PRKG1: variants seen among roughly 807,000 people sequenced by gnomAD.
The protein encoded by PRKG1 is cGMP-dependent protein kinase 1.
A neutral mutation model predicts 88.1 loss-of-function variants in PRKG1; 35 were observed. The observed-to-expected ratio is 0.40, with a 90% CI of 0.30 to 0.53. The LOEUF (loss-of-function observed/expected upper bound fraction) is 0.53, where lower values mean the gene tolerates loss of function less well. Ranked by LOEUF, PRKG1 falls within the 20% of genes least tolerant of loss-of-function variation. The probability of loss-of-function intolerance (pLI) is 0.59; values close to 1 mark genes in which losing one functional copy is unlikely to be tolerated. For missense variants in PRKG1, 540 were observed against 839.8 expected (o/e 0.64, Z 4.41); for synonymous variants, 303 against 292.5 (o/e 1.04, Z -0.37).
At chr10:51,823,047 T>A (rs1248114674) in intron 4 of PRKG1, among the ~76,000 whole-genome samples, 2 of 151,816 alleles carry the variant, frequency 1.3e-5, no homozygotes, top group South Asian at 2.1e-4. Context: ...TACAGTGGAG[T>A]TTTTTAGAGG....
chr10:52,120,417 A>G (rs944699300), intron 7 of PRKG1, among the ~76,000 whole-genome samples: 5 of 152,198 alleles, frequency 3.3e-5, no homozygotes, highest in African/African-American at 9.7e-5. Flanking sequence ...CCAAAGTCTC[A>G]TCTGAATCAG....
At chr10:52,204,073 G>GTTATTA (rs140296072) in intron 9 of PRKG1, among the ~76,000 whole-genome samples, 1,933 of 75,330 alleles carry the variant, frequency 0.026, 17 homozygotes, top group South Asian at 0.045. Context: ...TTGTTCGCTG[G>GTTATTA]TTATTATTAT....
chr10:51,765,040 C>T (rs1336290580), intron 3 of PRKG1, among the ~76,000 whole-genome samples: 1 of 152,168 alleles, frequency 6.6e-6, no homozygotes, highest in Non-Finnish European at 1.5e-5. Flanking sequence ...ATAAGCTGCC[C>T]AACTTAGAGT....
chr10:51,102,213 CCTT>C (rs1844703852), intron 1 of PRKG1, among the ~76,000 whole-genome samples: 1 of 152,042 alleles, frequency 6.6e-6, no homozygotes, highest in South Asian at 2.1e-4. Flanking sequence ...GTGTTTATTA[CCTT>C]TGTTTTAATA....
At position 51,671,888 on chromosome 10, in the gene PRKG1, C is replaced by T. The variant is rs545295272; in HGVS notation, c.593-132697C>T. On this transcript the variant is annotated intron_variant, in intron 3 of 17. Transcript: ENST00000373980. ...AAGAATACTGGTGATAGTGAATTTA[C>T]GGCCAGCTCTACTCCAGTATGACCT... 4.7e-4 allele frequency among the ~76,000 whole-genome samples: 71 copies of T among 152,240 alleles called. 1 individual carries two copies. Among genetic ancestry groups the T allele is most frequent in the African/African-American group, 1.5e-3 (64 of 41,540 alleles).
intron 5 of PRKG1, among the ~76,000 whole-genome samples, chr10:51,959,834 T>C (rs989751966): frequency 6.6e-6 from 1 of 152,106 alleles, no homozygotes; most frequent in African/African-American, 2.4e-5. Flanking sequence ...TGGAAGATAA[T>C]TGAATCTTGT....
chr10:51,943,498 G>A (rs1842955761), intron 5 of PRKG1, among the ~76,000 whole-genome samples: 1 of 152,054 alleles, frequency 6.6e-6, no homozygotes, highest in African/African-American at 2.4e-5. Flanking sequence ...ATGTTGAATG[G>A]GAGTGGTGAG....
chr10:51,401,059 C>A (rs1423056204), intron 2 of PRKG1, among the ~76,000 whole-genome samples: 1 of 152,284 alleles, frequency 6.6e-6, no homozygotes, highest in East Asian at 1.9e-4. Flanking sequence ...AAGTATAACA[C>A]AAGCTATGTA....
At chr10:51,324,476 G>A (rs574254626) in intron 2 of PRKG1, among the ~76,000 whole-genome samples, 13 of 151,928 alleles carry the variant, frequency 8.6e-5, no homozygotes, top group East Asian at 5.8e-4. Flanking sequence ...GGCCGGGCGC[G>A]GTGGCTCACG....
At chr10:51,860,205 G>GT (rs1263598327) in intron 4 of PRKG1, among the ~76,000 whole-genome samples, 7 of 152,122 alleles carry the variant, frequency 4.6e-5, no homozygotes, top group Admixed American at 4.6e-4. Context: ...GTCAAGAAAG[G>GT]TAAGTTTGTA....
At chr10:52,201,693 AT>A (rs1468388594) in intron 9 of PRKG1, among the ~76,000 whole-genome samples, 5 of 151,876 alleles carry the variant, frequency 3.3e-5, no homozygotes, top group Non-Finnish European at 7.4e-5. Flanking sequence ...AGCATGTAAT[AT>A]TTTTTCATTT....
intron 3 of PRKG1, among the ~76,000 whole-genome samples, chr10:51,670,809 A>G (rs1840554755): frequency 6.6e-6 from 1 of 151,794 alleles, no homozygotes; most frequent in South Asian, 2.1e-4. Flanking sequence ...ACACTTTTAA[A>G]TCAACAACAA....
intron 3 of PRKG1, among the ~76,000 whole-genome samples, chr10:51,788,109 G>T (rs1020653881): frequency 1.3e-5 from 2 of 152,166 alleles, no homozygotes; most frequent in African/African-American, 4.8e-5. Context: ...TGTTTAGTGT[G>T]TTTAAACAGA....
intron 2 of PRKG1, among the ~76,000 whole-genome samples, chr10:51,356,691 A>G (rs1842372773): frequency 6.6e-6 from 1 of 151,896 alleles, no homozygotes; most frequent in Admixed American, 6.6e-5. Context: ...CCTTTGGTCA[A>G]CTCCTGTATC....
At chr10:51,059,895 T>C (rs1037235082) in intron 1 of PRKG1, among the ~76,000 whole-genome samples, 2 of 152,198 alleles carry the variant, frequency 1.3e-5, no homozygotes, top group East Asian at 3.8e-4. Context: ...GGTCTATCAC[T>C]TATTCTAAGA....
intron 9 of PRKG1, among the ~76,000 whole-genome samples, chr10:52,233,537 C>G (rs1328866333): frequency 1.3e-3 from 178 of 141,684 alleles, no homozygotes; most frequent in Middle Eastern, 3.2e-3. Flanking sequence ...CTTTCCGAGT[C>G]AAAGAAAGGG....
At chr10:51,089,118 A>G (rs1844333986) in intron 1 of PRKG1, among the ~76,000 whole-genome samples, 1 of 152,154 alleles carries the variant, frequency 6.6e-6, no homozygotes, top group Non-Finnish European at 1.5e-5. Flanking sequence ...GATTACAGTC[A>G]TGAAAAGTTC....
At chr10:52,102,873 G>A (rs562071551) in intron 7 of PRKG1, among the ~76,000 whole-genome samples, 1 of 152,112 alleles carries the variant, frequency 6.6e-6, no homozygotes, top group Admixed American at 6.5e-5. Context: ...AAAGCAAATG[G>A]TGAGAGAACT....
At chr10:52,113,864 T>A (rs1045653272) in intron 7 of PRKG1, among the ~76,000 whole-genome samples, 2 of 152,168 alleles carry the variant, frequency 1.3e-5, no homozygotes, top group South Asian at 2.1e-4. Context: ...TTGTATCTAT[T>A]GAGCACTGTC....
Sources: gnomAD v4.1 joint callset for allele counts (sites outside exome capture counted in the v4.1 genomes callset) on GRCh38, gnomAD v4.1.1 for gene constraint, MANE v1.5 for transcripts, NCBI Gene and HGNC (gene_info 2026-07-23, HGNC 2026-07-21) for gene names.